Variants in XIRP2 observed in about 807,000 individuals in gnomAD.
XIRP2 encodes the protein xin actin-binding repeat-containing protein 2.
XIRP2 carries 236 observed loss-of-function variants against 277.0 expected under a neutral mutation model. The ratio of observed to expected loss-of-function variants is 0.85; its 90% CI spans 0.77 to 0.95. XIRP2 has a LOEUF of 0.95. XIRP2 is among the 40% of genes least tolerant of loss of function. The pLI is 0.00. For synonymous variants in XIRP2, 1,490 were observed against 1,416.5 expected (o/e 1.05, Z -1.17); for missense variants, 4,640 against 4,157.5 (o/e 1.12, Z -3.19).
chr2:167,059,501 C>T (rs1689127400), intron 2 of XIRP2, among the ~76,000 whole-genome samples: 1 of 136,830 alleles, frequency 7.3e-6, no homozygotes, highest in African/African-American at 3.2e-5. Flanking sequence ...AAAACCTGTT[C>T]TTAAAAGAGG....
chr2:167,107,643 G>T (rs1170840720), intron 2 of XIRP2, among the ~76,000 whole-genome samples: 1 of 151,150 alleles, frequency 6.6e-6, no homozygotes, highest in South Asian at 2.1e-4. Context: ...AGGTATATTG[G>T]TCTATAGTTT....
rs190693298 is a variant in XIRP2 at position 167,104,102 on chromosome 2, T to A, written c.409-31807T>A. On this transcript the variant is annotated intron_variant, in intron 2 of 10. Transcript: ENST00000409195. ...TCTAGCACACCAGTATGATATGAGG[T>A]AATGTTCTTCTATGATTAATTCTCC... Among the ~76,000 whole-genome samples the A allele has an allele frequency of 2.2e-4, 34 of 152,268 alleles. 1 individual carries two copies. The East Asian group carries it at 3.1e-3, about 14-fold the overall frequency.
chr2:167,017,225 G>A (rs1222735944), intron 2 of XIRP2, among the ~76,000 whole-genome samples: 1 of 151,878 alleles, frequency 6.6e-6, no homozygotes, highest in Non-Finnish European at 1.5e-5. Flanking sequence ...ACTACAACTG[G>A]TACTAATCTC....
rs1476184533 is a variant in XIRP2, at chr2:167,245,281, A to G, written c.3889A>G (p.Lys1297Glu). 1 of 1,613,586 alleles carries G rather than the reference A, an allele frequency of 6.2e-7. No homozygotes were observed. The highest frequency in any genetic ancestry group is 1.1e-5 in the South Asian group (1 of 91,024). The change falls in exon 9 of 11, where the codon AAG becomes GAG. Residue 1297 changes from lysine (K) to glutamate (E), a missense_variant. Physicochemically the swap from Lys to Glu is moderately conservative, Grantham distance 56 (BLOSUM62 1). Coordinates refer to ENST00000409195, the MANE Select transcript of XIRP2 (RefSeq NM_152381.6). ...AGAAGAATCTGACTATATCAGCACCAAGAAAACAATTACTGAAGAAGTAAT... is the reference window on the plus strand; with the variant it reads ...AGAAGAATCTGACTATATCAGCACCGAGAAAACAATTACTGAAGAAGTAAT... ...IKEESDYIST[K>E]KTITEEVIQG...
intron 2 of XIRP2, among the ~76,000 whole-genome samples, chr2:166,959,293 G>A (rs1308592811): frequency 6.6e-6 from 1 of 151,808 alleles, no homozygotes; most frequent in Non-Finnish European, 1.5e-5. Flanking sequence ...GAGAAAGCCA[G>A]ATAAAATAAG....
rs1054135457 is a variant in XIRP2, at chr2:166,903,970, CT to C, written c.408+83del. On this transcript the variant is annotated intron_variant, in intron 2 of 10. Coordinates refer to ENST00000409195, the MANE Select transcript of XIRP2 (RefSeq NM_152381.6). Reference sequence around the variant, plus strand: ...TACCATTTATTACTAAGCATGTAATCTTTCCCCCCGCCAGTATTCTAGACAG... The same window carrying C: ...TACCATTTATTACTAAGCATGTAATCTTCCCCCCGCCAGTATTCTAGACAG... 44 of 1,470,796 alleles carry C rather than the reference CT, an allele frequency of 3.0e-5. 1 individual carries two copies. In the South Asian group the frequency reaches 5.4e-4, roughly 18 times the overall value. The allele number at this position is 1,470,796 out of a possible 1,614,324, so 91.1% of individuals were successfully genotyped here. A position where few individuals can be genotyped will look rare whatever the true frequency, so the allele number is the denominator to read the frequency against.
rs147081437 is a variant in XIRP2, at chr2:167,166,667, G to A, written c.562+30605G>A. 2.8e-3 allele frequency among the ~76,000 whole-genome samples: 420 copies of A among 152,244 alleles called. 1 individual carries two copies. The highest frequency in any genetic ancestry group is 5.6e-3 in the South Asian group (27 of 4,824). Reference sequence around the variant, plus strand: ...GCAAGAGAGAGCAAAGCAGGGATGTGTGGCACTCTTTTAAACAATCAGATC... The same window carrying A: ...GCAAGAGAGAGCAAAGCAGGGATGTATGGCACTCTTTTAAACAATCAGATC... On this transcript the variant is annotated intron_variant, in intron 3 of 10. Transcript: ENST00000409195.
At chr2:166,940,303 A>G (rs1036490969) in intron 2 of XIRP2, among the ~76,000 whole-genome samples, 4 of 152,136 alleles carry the variant, frequency 2.6e-5, no homozygotes, top group African/African-American at 7.2e-5. Context: ...CTATCATGTC[A>G]TTTAATGACT....
chr2:167,170,778 C>A (rs1185992409), intron 3 of XIRP2, among the ~76,000 whole-genome samples: 1 of 150,752 alleles, frequency 6.6e-6, no homozygotes, highest in Non-Finnish European at 1.5e-5. Context: ...TGGTACATTT[C>A]TATTATATGG....
intron 2 of XIRP2, among the ~76,000 whole-genome samples, chr2:166,942,593 T>C (rs1685749462): frequency 6.6e-6 from 1 of 152,216 alleles, no homozygotes; most frequent in South Asian, 2.1e-4. Flanking sequence ...AACCACAGCA[T>C]CAAATTTTAT....
chr2:167,179,767 G>A (rs112364532), intron 3 of XIRP2, among the ~76,000 whole-genome samples: 175 of 151,814 alleles, frequency 1.2e-3, no homozygotes, highest in Middle Eastern at 3.4e-3. Flanking sequence ...AGCCTCTAAC[G>A]TAGCTGGGAC....
At chr2:167,015,934 T>A (rs1025635152) in intron 2 of XIRP2, among the ~76,000 whole-genome samples, 1 of 151,722 alleles carries the variant, frequency 6.6e-6, no homozygotes, top group African/African-American at 2.4e-5. Flanking sequence ...TCTTTGTCTC[T>A]ACCAACTCTC....
chr2:167,101,094 T>C (rs1017294582), intron 2 of XIRP2, among the ~76,000 whole-genome samples: 1 of 152,128 alleles, frequency 6.6e-6, no homozygotes, highest in African/African-American at 2.4e-5. Context: ...TTACTCATTT[T>C]CTCCCTGTAT....
In XIRP2 at chr2:167,104,273, A is replaced by G. The variant is rs185780561; in HGVS notation, c.409-31636A>G. Among the ~76,000 whole-genome samples, 36 of 152,222 alleles carry G rather than the reference A, an allele frequency of 2.4e-4. No individual in the cohort carries two copies. The East Asian group carries it at 5.2e-3, about 22-fold the overall frequency. Reference sequence around the variant, plus strand: ...CCATCTTGTTCTTTTTAAAATAAGCATGCACAAAAGAAGCGCATACTGATA... The same window carrying G: ...CCATCTTGTTCTTTTTAAAATAAGCGTGCACAAAAGAAGCGCATACTGATA... On this transcript the variant is annotated intron_variant, in intron 2 of 10. Transcript: ENST00000409195.
intron 2 of XIRP2, among the ~76,000 whole-genome samples, chr2:167,012,276 G>C (rs534774198): frequency 6.6e-6 from 1 of 151,878 alleles, no homozygotes; most frequent in African/African-American, 2.4e-5. Context: ...GTTCTCATTG[G>C]TTTCAAAGAA....
rs553571422 is a variant in XIRP2, at chr2:167,256,484, G to A, written c.*40-1373G>A. Among the ~76,000 whole-genome samples, 5 of 151,400 alleles carry A rather than the reference G, an allele frequency of 3.3e-5. No homozygotes were observed. In the South Asian group the frequency reaches 1.0e-3, roughly 32 times the overall value. On this transcript the variant is annotated intron_variant, in intron 10 of 10. Transcript: ENST00000409195. ...CCTCACTTATGAGATTTTAAATTCTGATTCATGATGTTCTTTCAGGTCTTT... is the reference window on the plus strand; with the variant it reads ...CCTCACTTATGAGATTTTAAATTCTAATTCATGATGTTCTTTCAGGTCTTT...
intron 2 of XIRP2, among the ~76,000 whole-genome samples, chr2:166,987,461 C>T (rs1687036518): frequency 6.6e-6 from 1 of 152,124 alleles, no homozygotes; most frequent in South Asian, 2.1e-4. Context: ...CCATTGCAAA[C>T]AGTTGAGACA....
Position 167,248,091 on chromosome 2 carries a change from T to C in XIRP2, c.6699T>C (p.Asn2233=), listed in dbSNP as rs749796972. The stretch of plus-strand genomic sequence containing the variant: ...TGAAAGTCTCTGAAAAAAGTCACAA[T>C]ACATTTAAGGCAACCAACAAAAAGC... ...TEMKVSEKSH[N]TFKATNKKRE... Residue 2233 remains asparagine (N), a synonymous_variant, in exon 9 of 11, where the codon AAT becomes AAC. Transcript: ENST00000409195. The C allele has an allele frequency of 9.9e-6, 16 of 1,613,284 alleles. No individual in the cohort carries two copies. In the African/African-American group the frequency reaches 2.0e-4, roughly 20 times the overall value.
At chr2:167,005,798 A>T (rs1003538030) in intron 2 of XIRP2, among the ~76,000 whole-genome samples, 5 of 151,660 alleles carry the variant, frequency 3.3e-5, no homozygotes, top group African/African-American at 9.7e-5. Context: ...ATAAAAAAAA[A>T]AAAATTACAC....
Sources: allele counts gnomAD v4.1 joint callset (sites outside exome capture counted in the v4.1 genomes callset), GRCh38; gene constraint gnomAD v4.1.1; transcripts MANE v1.5; gene names NCBI Gene and HGNC (gene_info 2026-07-23, HGNC 2026-07-21).